PTCHD1: variants seen among roughly 807,000 people sequenced by gnomAD.
The protein encoded by PTCHD1 is patched domain containing 1.
Under a neutral mutation model 34.6 loss-of-function variants are expected in PTCHD1, and 3 were observed. The observed-to-expected ratio is 0.09, with a 90% CI of 0.04 to 0.22. The LOEUF (loss-of-function observed/expected upper bound fraction) is 0.22, where lower values mean the gene tolerates loss of function less well. Ranked by LOEUF, PTCHD1 falls within the 10% of genes least tolerant of loss-of-function variation. The pLI is 1.00. For synonymous variants in PTCHD1, 305 were observed against 283.1 expected, an observed-to-expected ratio of 1.08 and a Z score of -0.77; for missense variants, 504 against 685.5, an observed-to-expected ratio of 0.74 and a Z score of 2.96.
intron 1 of PTCHD1, among the ~76,000 whole-genome samples, chrX:23,372,128 C>CCATG (rs1472343927): frequency 9.3e-6 from 1 of 107,980 alleles, no homozygotes; most frequent in Admixed American, 9.9e-5. Flanking sequence ...CATGATGGTA[C>CCATG]CATGAAAAAA....
In PTCHD1 at chrX:23,344,978, G is replaced by A. The variant is rs191311039; in HGVS notation, c.351+9752G>A. Among the ~76,000 whole-genome samples the A allele has an allele frequency of 1.7e-3, 187 of 112,087 alleles. 1 individual carries two copies. The highest frequency in any genetic ancestry group is 5.9e-3 in the African/African-American group (181 of 30,819). On this transcript the variant is annotated intron_variant, in intron 1 of 2. Transcript: ENST00000379361. The stretch of plus-strand genomic sequence containing the variant: ...CTCGTCCACATAAGTAGATCTGCAA[G>A]CACTTCACAGGGAAGAGTGTCATCA...
chrX:23,342,332 T>A (rs1189123283), intron 1 of PTCHD1, among the ~76,000 whole-genome samples: 9 of 36,823 alleles, frequency 2.4e-4, no homozygotes, highest in East Asian at 3.7e-3. Context: ...TTTTTTTTTT[T>A]AAAAGAATTG....
At chrX:23,339,561 C>A (rs902473045) in intron 1 of PTCHD1, among the ~76,000 whole-genome samples, 5 of 112,345 alleles carry the variant, frequency 4.5e-5, no homozygotes, top group African/African-American at 1.6e-4. Context: ...TAAAATCTAA[C>A]CTTAAGTTAT....
intron 1 of PTCHD1, among the ~76,000 whole-genome samples, chrX:23,344,376 AGT>A (rs1191665247): frequency 8.9e-6 from 1 of 112,209 alleles, no homozygotes; most frequent in Non-Finnish European, 1.9e-5. Flanking sequence ...CCTTCTGTAA[AGT>A]GTGTTATCAT....
At chrX:23,382,474 G>T (rs1409100941) in intron 2 of PTCHD1, among the ~76,000 whole-genome samples, 2 of 112,495 alleles carry the variant, frequency 1.8e-5, no homozygotes, top group Non-Finnish European at 3.8e-5. Flanking sequence ...GACCATGGCA[G>T]ATAGTATTGG....
chrX:23,375,269 G>C (rs1240041011), intron 1 of PTCHD1, among the ~76,000 whole-genome samples: 1 of 108,926 alleles, frequency 9.2e-6, no homozygotes, highest in African/African-American at 3.4e-5. Flanking sequence ...GTCACTTGAA[G>C]CAGGTGGGCT....
chrX:23,335,352 T>C (rs1402495380), intron 1 of PTCHD1, 126 bp downstream of exon 1: 2 of 556,163 alleles, frequency 3.6e-6, no homozygotes, highest in African/African-American at 4.6e-5. Context: ...GGGACTCTCC[T>C]GCACCGCGCG....
intron 2 of PTCHD1, among the ~76,000 whole-genome samples, chrX:23,381,300 C>T (rs761682577): frequency 8.9e-6 from 1 of 112,360 alleles, no homozygotes; most frequent in African/African-American, 3.2e-5. Flanking sequence ...CATCTGTTAT[C>T]GAAAATGGCA....
rs751419893 is a variant in PTCHD1, at chrX:23,399,081, G to A, written c.*4896G>A. 9.0e-6 allele frequency: 1 copy of A among 111,590 alleles called. No individual in the cohort carries two copies. The highest frequency in any genetic ancestry group is 3.8e-4 in the South Asian group (1 of 2,639). 9.2% of individuals were successfully genotyped at this position (111,590 alleles called of 1,213,427 possible). The stretch of plus-strand genomic sequence containing the variant: ...GAAAACCAGCAGAGAAAGCTTGGTG[G>A]AAGAAGTGATGTTCTTGTGGAATGT... On this transcript the variant is annotated 3_prime_UTR_variant, in exon 3 of 3. Transcript: ENST00000379361.
chrX:23,351,360 A>G (rs1389680585), intron 1 of PTCHD1: 1 of 778,201 alleles, frequency 1.3e-6, no homozygotes, highest in Admixed American at 2.3e-5. Flanking sequence ...CACCAAGCCT[A>G]TATGAAATGT....
chrX:23,389,058 T>C (rs2146648898), intron 2 of PTCHD1, among the ~76,000 whole-genome samples: 1 of 112,055 alleles, frequency 8.9e-6, no homozygotes, highest in South Asian at 3.8e-4. Flanking sequence ...CATTTCCTCT[T>C]TATTCCATTC....
At chrX:23,380,392 A>G (rs1009133044) in intron 2 of PTCHD1, 141 bp downstream of exon 2, 13 of 594,914 alleles carry the variant, frequency 2.2e-5, no homozygotes, top group African/African-American at 1.8e-4. Flanking sequence ...GACCCACTCT[A>G]TAAAGTGCTG....
At chrX:23,368,241 C>T (rs955357810) in intron 1 of PTCHD1, among the ~76,000 whole-genome samples, 3 of 111,697 alleles carry the variant, frequency 2.7e-5, no homozygotes, top group Non-Finnish European at 3.8e-5. Context: ...ACCTCAGTTG[C>T]CTACCTAAAT....
intron 1 of PTCHD1, among the ~76,000 whole-genome samples, chrX:23,350,060 T>TAA (rs57194123): frequency 0.05 from 2,003 of 40,370 alleles, 150 homozygotes; most frequent in Non-Finnish European, 0.066. Flanking sequence ...TTAGTGCTGT[T>TAA]AAAAAAAAAA....
chrX:23,353,890 G>T (rs1386299651), intron 1 of PTCHD1, among the ~76,000 whole-genome samples: 1 of 112,207 alleles, frequency 8.9e-6, no homozygotes, highest in Non-Finnish European at 1.9e-5. Flanking sequence ...TGGAAATGGA[G>T]TAGCAGAGGA....
intron 1 of PTCHD1, among the ~76,000 whole-genome samples, chrX:23,366,114 TA>T (rs1448206191): frequency 6.2e-5 from 7 of 112,223 alleles, no homozygotes; most frequent in Non-Finnish European, 1.3e-4. Context: ...TCCAGATCTA[TA>T]AAAAAGTAAA....
At chrX:23,347,231 A>G (rs1392354907) in intron 1 of PTCHD1, among the ~76,000 whole-genome samples, 1 of 112,296 alleles carries the variant, frequency 8.9e-6, no homozygotes, top group Non-Finnish European at 1.9e-5. Flanking sequence ...GGAAAAAACT[A>G]TACCACTAGA....
Position 23,380,036 on chromosome X carries a change from G to A in PTCHD1, c.797G>A (p.Arg266His), listed in dbSNP as rs777394177. 6.6e-6 allele frequency: 8 copies of A among 1,209,834 alleles called. No individual in the cohort carries two copies. The highest frequency in any genetic ancestry group is 3.5e-5 in the South Asian group (2 of 56,816). The change falls in exon 2 of 3, where the codon CGC becomes CAC. Residue 266 changes from arginine (R) to histidine (H), a missense_variant. Transcript: ENST00000379361. ...SLREDFQKTSRVSERYLVTSL... is the reference protein window; with the variant it reads ...SLREDFQKTSHVSERYLVTSL... ...AGGGAAGATTTCCAGAAGACCAGCC[G>A]CGTATCAGAACGTTACCTGGTCACC...
At chrX:23,369,437 C>G (rs1922223825) in intron 1 of PTCHD1, among the ~76,000 whole-genome samples, 1 of 111,370 alleles carries the variant, frequency 9.0e-6, no homozygotes, top group South Asian at 3.8e-4. Flanking sequence ...CTTTACTTTT[C>G]CAGAAGAACT....
Sources: gnomAD v4.1 joint callset for allele counts (sites outside exome capture counted in the v4.1 genomes callset) on GRCh38, gnomAD v4.1.1 for gene constraint, MANE v1.5 for transcripts, NCBI Gene and HGNC (gene_info 2026-07-23, HGNC 2026-07-21) for gene names.